Variants in IVL observed in about 807,000 individuals in gnomAD.
IVL encodes the protein involucrin.
For missense variants in IVL, 722 were observed against 624.9 expected (o/e 1.16, Z -1.66); for synonymous variants, 257 against 271.0 (o/e 0.95, Z 0.51).
At position 152,910,969 on chromosome 1, in the gene IVL, G is replaced by C; in HGVS notation, c.1172G>C (p.Gly391Ala). Residue 391 changes from glycine to alanine, a missense_variant, in exon 2 of 2, where the codon GGG becomes GCG. By Grantham distance (60) the Gly-to-Ala change is moderately conservative (BLOSUM62 0). Transcript: ENST00000368764. ...CCAAAGCACCTGGAGGAGGAGGAGG[G>C]GCAGCTGAAGCACCTGGTGCAGCAG... ...GQPKHLEEEEGQLKHLVQQEG... is the reference protein window; with the variant it reads ...GQPKHLEEEEAQLKHLVQQEG... 5 of 1,547,946 alleles carry C rather than the reference G, an allele frequency of 3.2e-6. No individual in the cohort carries two copies. The highest frequency in any genetic ancestry group is 4.4e-6 in the Non-Finnish European group (5 of 1,145,978).
rs79573406 is a variant in IVL at position 152,911,559 on chromosome 1, C to T, written c.*4C>T. 1.2e-3 allele frequency: 1,979 copies of T among 1,603,522 alleles called. 23 individuals are homozygous for T. In the African/African-American group the frequency reaches 0.023, roughly 19 times the overall value. On this transcript the variant is annotated 3_prime_UTR_variant, in exon 2 of 2. Transcript: ENST00000368764. ...GTGGCCACCCAAACATAAATAACCA[C>T]CCGCAGTGTCCAGAGGCCCTCAGAT...
chr1:152,910,848 G>T lies in IVL; in HGVS notation c.1051G>T (p.Gly351Trp), dbSNP rs771663495. 171 of 1,551,508 alleles carry T rather than the reference G, an allele frequency of 1.1e-4. 3 individuals carry two copies. The South Asian group carries it at 1.9e-3, about 17-fold the overall frequency. Residue 351 changes from glycine (G) to tryptophan (W), a missense_variant, in exon 2 of 2, where the codon GGG becomes TGG. By Grantham distance (184) the Gly-to-Trp change is radical. Coordinates refer to ENST00000368764, the MANE Select transcript of IVL (RefSeq NM_005547.4). ...GQLKHLEQQEGQLEHLEHQEG... is the reference protein window; with the variant it reads ...GQLKHLEQQEWQLEHLEHQEG... ...GCTGAAGCACCTGGAGCAGCAGGAG[G>T]GGCAGCTGGAGCACCTGGAGCACCA...
In IVL at chr1:152,909,987, A is replaced by T. The variant is rs772745371; in HGVS notation, c.190A>T (p.Met64Leu). 1 of 1,614,206 alleles carries T rather than the reference A, an allele frequency of 6.2e-7. No individual in the cohort carries two copies. Among genetic ancestry groups the T allele is most frequent in the South Asian group, 1.1e-5 (1 of 91,082 alleles). The change falls in exon 2 of 2, where the codon ATG (methionine) becomes TTG (leucine). Residue 64 changes from methionine to leucine, a missense_variant. Coordinates refer to ENST00000368764, the MANE Select transcript of IVL (RefSeq NM_005547.4). Reference protein sequence around the residue: ...EVPSKQEEKHMTAVKGLPEQE... With the variant: ...EVPSKQEEKHLTAVKGLPEQE... ...CCCATCAAAGCAAGAGGAAAAGCAC[A>T]TGACTGCTGTAAAGGGACTGCCTGA...
chr1:152,911,306 G>A lies in IVL; in HGVS notation c.1509G>A (p.Leu503=), dbSNP rs557754155. The A allele has an allele frequency of 7.3e-5, 115 of 1,571,490 alleles. No individual in the cohort carries two copies. In the South Asian group the frequency reaches 1.2e-3, roughly 16 times the overall value. ...AGCAGGTAGGACAGCCAAAGCACCT[G>A]GAACAGCAGGAAAAGCACCTAGAGC... ...PEQQVGQPKH[L]EQQEKHLEHP... The change falls in exon 2 of 2, where the codon CTG becomes CTA. Residue 503 remains leucine, a synonymous_variant. Transcript: ENST00000368764.
chr1:152,909,680 A>C (rs1649880872), intron 1 of IVL, 99 bp from the exon 2 acceptor site: 1 of 869,514 alleles, frequency 1.2e-6, no homozygotes, highest in African/African-American at 1.7e-5. Flanking sequence ...GCCCAAGGGA[A>C]GAGGGGATGC....
chr1:152,910,867 A>C lies in IVL; in HGVS notation c.1070A>C (p.Glu357Ala), dbSNP rs1211914848. 8 of 1,550,868 alleles carry C rather than the reference A, an allele frequency of 5.2e-6. No individual in the cohort carries two copies. The Admixed American group carries it at 1.4e-4, about 27-fold the overall frequency. ...CAGGAGGGGCAGCTGGAGCACCTGG[A>C]GCACCAGGAAGGGCAGCTGGGGCTC... ...EQQEGQLEHL[E>A]HQEGQLGLPE... Residue 357 changes from glutamate (E) to alanine (A), a missense_variant, in exon 2 of 2, where the codon GAG (glutamate) becomes GCG (alanine). By Grantham distance (107) the Glu-to-Ala change is moderately radical. Coordinates refer to ENST00000368764, the MANE Select transcript of IVL (RefSeq NM_005547.4).
chr1:152,911,170 G>A lies in IVL; in HGVS notation c.1373G>A (p.Gly458Glu), dbSNP rs1429271600. ...GQLEVPEQQVGQPKNLEQEEK... is the reference protein window; with the variant it reads ...GQLEVPEQQVEQPKNLEQEEK... ...TTGGAGGTCCCAGAGCAGCAGGTGGGGCAGCCAAAGAACCTGGAGCAGGAG... is the reference window on the plus strand; with the variant it reads ...TTGGAGGTCCCAGAGCAGCAGGTGGAGCAGCCAAAGAACCTGGAGCAGGAG... Residue 458 changes from glycine to glutamate, a missense_variant, in exon 2 of 2, where the codon GGG becomes GAG. By Grantham distance (98) the Gly-to-Glu change is moderately conservative (BLOSUM62 -2). Coordinates refer to ENST00000368764, the MANE Select transcript of IVL (RefSeq NM_005547.4). 1 of 1,558,456 alleles carries A rather than the reference G, an allele frequency of 6.4e-7. No individual in the cohort carries two copies. The highest frequency in any genetic ancestry group is 1.4e-5 in the African/African-American group (1 of 73,392).
At chr1:152,908,797 CAT>C (rs1186825748) in intron 1 of IVL, among the ~76,000 whole-genome samples, 6 of 152,172 alleles carry the variant, frequency 3.9e-5, no homozygotes, top group Non-Finnish European at 8.8e-5. Flanking sequence ...TCCTATGTCC[CAT>C]CTTTTCTTGT....
Position 152,911,628 on chromosome 1 carries a change from CG to C in IVL, c.*76del. The C allele has an allele frequency of 7.0e-7, 1 of 1,433,804 alleles. No homozygotes were observed. Among genetic ancestry groups the C allele is most frequent in the African/African-American group, 1.4e-5 (1 of 70,248 alleles). 88.8% of individuals were successfully genotyped at this position (1,433,804 alleles called of 1,614,324 possible). ...AGAGAGCCACTGGCTCCACTTATTTCGGGTCCGCTAGGTGGCCCGTCTCATC... is the reference window on the plus strand; with the variant it reads ...AGAGAGCCACTGGCTCCACTTATTTCGGTCCGCTAGGTGGCCCGTCTCATC... On this transcript the variant is annotated 3_prime_UTR_variant, in exon 2 of 2. Transcript: ENST00000368764.
chr1:152,909,695 A>G, intron 1 of IVL, 84 bp from the exon 2 acceptor site: 1 of 1,134,948 alleles, frequency 8.8e-7, no homozygotes, highest in South Asian at 1.6e-5. Context: ...GGATGCTAAA[A>G]AACCAGATAC....
chr1:152,911,694 G>T lies in IVL; in HGVS notation c.*139G>T. The stretch of plus-strand genomic sequence containing the variant: ...TGTCCCTCTACATGTCTCTTTAATG[G>T]GGTGAGGGTGGGGGAGAGAGGGAAT... On this transcript the variant is annotated 3_prime_UTR_variant, in exon 2 of 2. Transcript: ENST00000368764. The T allele has an allele frequency of 1.2e-6, 1 of 833,092 alleles. No homozygotes were observed. The highest frequency in any genetic ancestry group is 1.9e-6 in the Non-Finnish European group (1 of 528,022). 51.6% of individuals were successfully genotyped at this position (833,092 alleles called of 1,614,324 possible).
rs185349036 is a variant in IVL at position 152,911,205 on chromosome 1, C to A, written c.1408C>A (p.Leu470Met). ...PKNLEQEEKQ[L>M]ELPEQQEGQV... ...GAACCTGGAGCAGGAGGAGAAGCAA[C>A]TGGAGCTCCCAGAGCAGCAAGAGGG... Residue 470 changes from leucine (L) to methionine (M), a missense_variant, in exon 2 of 2, where the codon CTG (leucine) becomes ATG (methionine). Transcript: ENST00000368764. 1.3e-6 allele frequency: 2 copies of A among 1,556,324 alleles called. No homozygotes were observed. The highest frequency in any genetic ancestry group is 4.8e-5 in the East Asian group (2 of 41,856).
Position 152,910,430 on chromosome 1 carries a change from G to A in IVL, c.633G>A (p.Gly211=), listed in dbSNP as rs1334180545. 13 of 581,996 alleles carry A rather than the reference G, an allele frequency of 2.2e-5. No homozygotes were observed. Among genetic ancestry groups the A allele is most frequent in the African/African-American group, 1.6e-4 (8 of 49,050 alleles). The allele number at this position is 581,996 out of a possible 1,614,324, so 36.1% of individuals were successfully genotyped here. The change falls in exon 2 of 2, where the codon GGG becomes GGA. Residue 211 remains glycine, a synonymous_variant. Coordinates refer to ENST00000368764, the MANE Select transcript of IVL (RefSeq NM_005547.4). ...GQLELPEQQE[G]QLELPEQQEG... is the part of the protein sequence containing the mutation. The stretch of plus-strand genomic sequence containing the variant: ...TGGAGCTCCCAGAGCAGCAGGAGGG[G>A]CAGCTGGAGCTCCCAGAGCAGCAGG...
chr1:152,910,257 G>T lies in IVL; in HGVS notation c.460G>T (p.Glu154Ter). 6.2e-7 allele frequency: 1 copy of T among 1,614,022 alleles called. No individual in the cohort carries two copies. The highest frequency in any genetic ancestry group is 1.1e-5 in the South Asian group (1 of 91,044). The change falls in exon 2 of 2, where the codon GAG becomes TAG. Residue 154 changes from glutamate (E) to a stop codon, truncating the protein, a stop_gained. Transcript: ENST00000368764. LOFTEE classifies it low-confidence loss of function (END_TRUNC). The stretch of plus-strand genomic sequence containing the variant: ...GGGAATGAAGAAAGAGCAACTGTTG[G>T]AGCTCCCAGAGCAGCAGGAGGGGCA... ...QLGMKKEQLL[E>*]LPEQQEGHLK... is the part of the protein sequence containing the mutation.
intron 1 of IVL, among the ~76,000 whole-genome samples, chr1:152,909,489 A>T (rs986851111): frequency 6.6e-6 from 1 of 152,204 alleles, no homozygotes; most frequent in African/African-American, 2.4e-5. Context: ...ACAAGAGCAG[A>T]CAGTGAGCTG....
Position 152,910,665 on chromosome 1 carries a change from G to A in IVL, c.868G>A (p.Glu290Lys), listed in dbSNP as rs374818807. Residue 290 changes from glutamate to lysine, a missense_variant, in exon 2 of 2, where the codon GAG (glutamate) becomes AAG (lysine). Glu to Lys is a moderately conservative substitution (Grantham distance 56). Transcript: ENST00000368764. ...MGQLKYLEQQ[E>K]GQLKHLDQQE... is the part of the protein sequence containing the mutation. ...GCAGCTGAAGTACCTGGAACAGCAG[G>A]AGGGGCAGCTGAAGCACCTGGATCA... 61 of 1,550,238 alleles carry A rather than the reference G, an allele frequency of 3.9e-5. No homozygotes were observed. Among genetic ancestry groups the A allele is most frequent in the East Asian group, 3.9e-4 (16 of 40,666 alleles).
rs768973738 is a variant in IVL, at chr1:152,911,278, A to T, written c.1481A>T (p.Glu494Val). 5 of 1,562,698 alleles carry T rather than the reference A, an allele frequency of 3.2e-6. No homozygotes were observed. In the East Asian group the frequency reaches 1.2e-4, roughly 37 times the overall value. The change falls in exon 2 of 2, where the codon GAG becomes GTG. Residue 494 changes from glutamate (E) to valine (V), a missense_variant. By Grantham distance (121) the Glu-to-Val change is moderately radical. Coordinates refer to ENST00000368764, the MANE Select transcript of IVL (RefSeq NM_005547.4). ...EKQEAQLELP[E>V]QQVGQPKHLE... ...CAGGAGGCACAGCTGGAGCTCCCAGAGCAGCAGGTAGGACAGCCAAAGCAC... is the reference window on the plus strand; with the variant it reads ...CAGGAGGCACAGCTGGAGCTCCCAGTGCAGCAGGTAGGACAGCCAAAGCAC...
chr1:152,911,234 G>A lies in IVL; in HGVS notation c.1437G>A (p.Gln479=), dbSNP rs777113523. 3.2e-6 allele frequency: 5 copies of A among 1,555,880 alleles called. No homozygotes were observed. Among genetic ancestry groups the A allele is most frequent in the Non-Finnish European group, 4.3e-6 (5 of 1,149,646 alleles). The part of the protein sequence containing the change: ...QLELPEQQEG[Q]VKHLEKQEAQ... ...AGCTCCCAGAGCAGCAAGAGGGCCA[G>A]GTGAAGCACCTGGAGAAGCAGGAGG... is the stretch of plus-strand genomic sequence containing the variant. Residue 479 remains glutamine (Q), a synonymous_variant, in exon 2 of 2, where the codon CAG becomes CAA. Transcript: ENST00000368764.
In IVL at chr1:152,910,138, A is replaced by G. The variant is rs1649901481; in HGVS notation, c.341A>G (p.Gln114Arg). The G allele has an allele frequency of 6.2e-7, 1 of 1,613,950 alleles. No individual in the cohort carries two copies. The highest frequency in any genetic ancestry group is 8.5e-7 in the Non-Finnish European group (1 of 1,180,002). The change falls in exon 2 of 2, where the codon CAA becomes CGA. Residue 114 changes from glutamine to arginine, a missense_variant. Transcript: ENST00000368764. ...CAGCAGCTTAAGCAGGAGAAAACAC[A>G]AAGGGATCAGCAGCTAAACAAACAG... ...PEQQLKQEKT[Q>R]RDQQLNKQLE...
Sources: allele counts gnomAD v4.1 joint callset (sites outside exome capture counted in the v4.1 genomes callset), GRCh38; gene constraint gnomAD v4.1.1; transcripts MANE v1.5; gene names NCBI Gene and HGNC (gene_info 2026-07-23, HGNC 2026-07-21).